CHD8: variants seen among roughly 807,000 people sequenced by gnomAD.
CHD8 encodes the protein ATP-dependent chromatin remodeler CHD8.
A neutral mutation model predicts 279.2 loss-of-function variants in CHD8; 31 were observed. That is an observed-to-expected ratio of 0.11 (90% CI 0.08 to 0.15). The LOEUF is 0.15. Among genes scored for constraint, CHD8 ranks in the 10% least tolerant of loss-of-function variants. The pLI is 1.00. For synonymous variants in CHD8, 1,081 were observed against 1,139.6 expected, an observed-to-expected ratio of 0.95 and a Z score of 1.04; for missense variants, 2,146 against 3,230.5, an observed-to-expected ratio of 0.66 and a Z score of 8.14.
chr14:21,451,860 G>A (rs897086914), intron 1 of CHD8, among the ~76,000 whole-genome samples: 13 of 152,122 alleles, frequency 8.5e-5, no homozygotes, highest in Admixed American at 3.3e-4. Flanking sequence ...AATGAGAAAC[G>A]TCAGAGATTA....
intron 5 of CHD8, among the ~76,000 whole-genome samples, chr14:21,417,883 A>T (rs1422686858): frequency 7.6e-6 from 1 of 131,914 alleles, no homozygotes; most frequent in Non-Finnish European, 1.6e-5. Flanking sequence ...TATATATATA[A>T]TATATATATA....
At position 21,393,548 on chromosome 14, in the gene CHD8, A is replaced by G. The variant is rs770734899; in HGVS notation, c.6247T>C (p.Ser2083Pro). ...LDLSKLSPSSSSSSSSSSSSS... is the reference protein window; with the variant it reads ...LDLSKLSPSSPSSSSSSSSSS... The stretch of plus-strand genomic sequence containing the variant: ...GAGCTGGATGAGGATGAGGAAGAAG[A>G]AGAAGATGGTGACAGCTTGCTCAAG... The change falls in exon 32 of 38, where the codon TCT becomes CCT. Residue 2083 changes from serine to proline, a missense_variant. Coordinates refer to ENST00000646647, the MANE Select transcript of CHD8 (RefSeq NM_001170629.2). 5 of 1,608,518 alleles carry G rather than the reference A, an allele frequency of 3.1e-6. No homozygotes were observed. Among genetic ancestry groups the G allele is most frequent in the Non-Finnish European group, 4.2e-6 (5 of 1,177,386 alleles).
At chr14:21,437,927 A>G (rs1191798821) in intron 1 of CHD8, among the ~76,000 whole-genome samples, 1 of 152,024 alleles carries the variant, frequency 6.6e-6, no homozygotes, top group Non-Finnish European at 1.5e-5. Flanking sequence ...CTGTTCTCCC[A>G]TCTCTTGAAA....
intron 37 of CHD8, among the ~76,000 whole-genome samples, chr14:21,388,008 C>T (rs1887350770): frequency 1.3e-5 from 2 of 152,150 alleles, no homozygotes. Flanking sequence ...TGGCATTAGC[C>T]TTCTAGCCAC....
chr14:21,395,690 A>T, intron 28 of CHD8, 127 bp downstream of exon 28: 1 of 690,784 alleles, frequency 1.4e-6, no homozygotes, highest in Non-Finnish European at 2.5e-6. Context: ...TCTATTCTCA[A>T]ATGGTATAAT....
intron 37 of CHD8, 134 bp from the exon 38 acceptor site, chr14:21,386,310 T>G: frequency 1.3e-6 from 1 of 777,438 alleles, no homozygotes; most frequent in Non-Finnish European, 2.0e-6. Context: ...AGCACAGCGA[T>G]ACTAGGCTTG....
At position 21,403,816 on chromosome 14, in the gene CHD8, C is replaced by A. The variant is rs189868425; in HGVS notation, c.3308-153G>T. On this transcript the variant is annotated intron_variant, in intron 16 of 37. Transcript: ENST00000646647. The surrounding 1 kb of genome is among the most constrained non-coding windows in gnomAD (Gnocchi z 4.3). ...ATTTCAGCACAAAAAAGTCTTAAAT[C>A]GGCTGGGTACGGTGGCTCATGCCTG... Among the ~76,000 whole-genome samples, 1 of 152,100 alleles carries A rather than the reference C, an allele frequency of 6.6e-6. No homozygotes were observed. The highest frequency in any genetic ancestry group is 1.9e-4 in the East Asian group (1 of 5,190).
chr14:21,447,382 T>C (rs1475152244), intron 1 of CHD8, among the ~76,000 whole-genome samples: 1 of 151,926 alleles, frequency 6.6e-6, no homozygotes, highest in Non-Finnish European at 1.5e-5. Flanking sequence ...CCTTTTTTTT[T>C]TTTTTTTGAG....
At chr14:21,449,173 C>G (rs1170319464) in intron 1 of CHD8, among the ~76,000 whole-genome samples, 1 of 151,748 alleles carries the variant, frequency 6.6e-6, no homozygotes, top group Non-Finnish European at 1.5e-5. Context: ...GACTTCATCG[C>G]AAAATAAATA....
intron 5 of CHD8, among the ~76,000 whole-genome samples, chr14:21,417,865 A>ATATAT (rs1555316808): frequency 2.3e-4 from 23 of 98,366 alleles, no homozygotes; most frequent in African/African-American, 7.5e-4. Context: ...AAAAAAAAAA[A>ATATAT]ATATATATAT....
intron 5 of CHD8, chr14:21,419,663 T>A (rs575136839): frequency 5.0e-6 from 1 of 201,620 alleles, no homozygotes; most frequent in Non-Finnish European, 1.0e-5. Flanking sequence ...AGCTGGGCCA[T>A]CCCTGCCACT....
intron 5 of CHD8, among the ~76,000 whole-genome samples, chr14:21,418,415 G>A (rs1271215170): frequency 6.6e-6 from 1 of 152,084 alleles, no homozygotes; most frequent in Admixed American, 6.5e-5. Context: ...AGCTACTAGG[G>A]AGGCTGAGGC....
intron 25 of CHD8, 98 bp from the exon 26 acceptor site, chr14:21,399,803 T>C (rs1451184738): frequency 1.0e-6 from 1 of 986,096 alleles, no homozygotes; most frequent in African/African-American, 1.6e-5. Flanking sequence ...TATCCATTAA[T>C]TTAAATACTC....
intron 37 of CHD8, 67 bp downstream of exon 37, chr14:21,390,880 T>G (rs1887503016): frequency 1.3e-6 from 1 of 784,878 alleles, no homozygotes; most frequent in Non-Finnish European, 2.2e-6. Context: ...GTCACAATCA[T>G]CATTGAAAGA....
chr14:21,392,653 C>T lies in CHD8; in HGVS notation c.6625G>A (p.Gly2209Ser), dbSNP rs1354622740. 1.2e-6 allele frequency: 2 copies of T among 1,613,898 alleles called. No homozygotes were observed. Among genetic ancestry groups the T allele is most frequent in the Admixed American group, 1.7e-5 (1 of 60,000 alleles). Residue 2209 changes from glycine to serine, a missense_variant, in exon 34 of 38, where the codon GGT becomes AGT. Transcript: ENST00000646647. ...CGTGGTGTGGGGACTGGAGAGTCAC[C>T]ATATTCTCCAGGAGTCAATGAGGGA... The part of the protein sequence containing the change: ...DSPSLTPGEY[G>S]DSPVPTPRSS...
At chr14:21,425,548 C>T (rs898817608) in intron 5 of CHD8, 4 of 152,130 alleles carry the variant, frequency 2.6e-5, no homozygotes, top group African/African-American at 9.7e-5. Flanking sequence ...TGGTCTCCAA[C>T]TCCTGACCTC....
chr14:21,449,405 T>G (rs1388733123), intron 1 of CHD8, among the ~76,000 whole-genome samples: 1 of 152,198 alleles, frequency 6.6e-6, no homozygotes, highest in Admixed American at 6.5e-5. Flanking sequence ...TTTATTATTC[T>G]CCATCCAATA....
intron 5 of CHD8, chr14:21,419,828 G>A: frequency 2.7e-6 from 1 of 376,748 alleles, no homozygotes. Flanking sequence ...CGAGGGATCT[G>A]CCCACCATTC....
In CHD8 at chr14:21,415,625, T is replaced by C; in HGVS notation, c.1917A>G (p.Glu639=). The change falls in exon 7 of 38, where the codon GAA becomes GAG. Residue 639 remains glutamate (E), a synonymous_variant. Coordinates refer to ENST00000646647, the MANE Select transcript of CHD8 (RefSeq NM_001170629.2). The stretch of plus-strand genomic sequence containing the variant: ...GCACTTTGTCTACAATGGCTGCATC[T>C]TCTTCACTGGGATTCTCCTGCAGCA... The part of the protein sequence containing the change: ...MQFFVENPSE[E]DAAIVDKVLS... 2 of 1,608,210 alleles carry C rather than the reference T, an allele frequency of 1.2e-6. No homozygotes were observed. The highest frequency in any genetic ancestry group is 4.5e-5 in the East Asian group (2 of 44,564).
Sources: allele counts gnomAD v4.1 joint callset (sites outside exome capture counted in the v4.1 genomes callset), GRCh38; gene constraint gnomAD v4.1.1; non-coding constraint Gnocchi (gnomAD v3.1); transcripts MANE v1.5; gene names NCBI Gene and HGNC (gene_info 2026-07-23, HGNC 2026-07-21).